DDX19A: variants seen among roughly 807,000 people sequenced by gnomAD.
DDX19A encodes ATP-dependent RNA helicase DDX19A.
A neutral mutation model predicts 60.6 loss-of-function variants in DDX19A; 12 were observed. That is an observed-to-expected ratio of 0.20 (90% CI 0.13 to 0.32). The LOEUF (loss-of-function observed/expected upper bound fraction) is 0.32, where lower values mean the gene tolerates loss of function less well. DDX19A is among the 10% of genes least tolerant of loss of function. DDX19A has a pLI of 1.00. For missense variants in DDX19A, 337 were observed against 600.6 expected (o/e 0.56, Z 4.59); for synonymous variants, 206 against 218.2 (o/e 0.94, Z 0.49).
chr16:70,352,860 A>G (rs528722053), intron 2 of DDX19A, among the ~76,000 whole-genome samples: 1 of 148,218 alleles, frequency 6.7e-6, no homozygotes, highest in African/African-American at 2.5e-5. Flanking sequence ...CTGGTCTCGA[A>G]CTCCTGACCT....
rs544847223 is a variant in DDX19A at position 70,370,615 on chromosome 16, G to A, written c.1183+230G>A. On this transcript the variant is annotated intron_variant, in intron 10 of 11. Transcript: ENST00000302243. Reference sequence around the variant, plus strand: ...CAATCCCAAGGCAGGAAAATTGCTTGAACCCTGGAGACAGAGGTTGCAGTG... The same window carrying A: ...CAATCCCAAGGCAGGAAAATTGCTTAAACCCTGGAGACAGAGGTTGCAGTG... The A allele has an allele frequency of 7.5e-4, 426 of 564,574 alleles. 1 individual carries two copies. The highest frequency in any genetic ancestry group is 1.9e-3 in the South Asian group (46 of 24,356). 35.0% of individuals were successfully genotyped at this position (564,574 alleles called of 1,614,324 possible). A position where few individuals can be genotyped will look rare whatever the true frequency, so the allele number is the denominator to read the frequency against.
rs1386418193 is a variant in DDX19A, at chr16:70,372,275, G to A, written c.*289G>A. On this transcript the variant is annotated 3_prime_UTR_variant, in exon 12 of 12. Coordinates refer to ENST00000302243, the MANE Select transcript of DDX19A (RefSeq NM_018332.5). ...GTCACAGTGGTAGTCGCTGGCCCCAGGACCCCCTCCTGATTTTGGCTAGGC... is the reference window on the plus strand; with the variant it reads ...GTCACAGTGGTAGTCGCTGGCCCCAAGACCCCCTCCTGATTTTGGCTAGGC... 6.0e-6 allele frequency: 3 copies of A among 500,178 alleles called. No individual in the cohort carries two copies. Among genetic ancestry groups the A allele is most frequent in the African/African-American group, 1.9e-5 (1 of 51,440 alleles). 31.0% of individuals were successfully genotyped at this position (500,178 alleles called of 1,614,324 possible). A position where few individuals can be genotyped will look rare whatever the true frequency, so the allele number is the denominator to read the frequency against.
At chr16:70,362,582 A>G (rs1964398634) in intron 5 of DDX19A, among the ~76,000 whole-genome samples, 1 of 151,922 alleles carries the variant, frequency 6.6e-6, no homozygotes, top group Admixed American at 6.6e-5. Flanking sequence ...CCCTGACAAG[A>G]CTAAGTTCCT....
chr16:70,367,211 G>A (rs899640743), intron 9 of DDX19A, among the ~76,000 whole-genome samples: 13 of 150,344 alleles, frequency 8.6e-5, no homozygotes, highest in Admixed American at 4.6e-4. Flanking sequence ...GGTGGATCAC[G>A]AGGTCAGGAG....
At chr16:70,352,634 ATTTTTTTTTTTT>A (rs11294947) in intron 2 of DDX19A, among the ~76,000 whole-genome samples, 1 of 86,168 alleles carries the variant, frequency 1.2e-5, no homozygotes, top group Non-Finnish European at 2.1e-5. Context: ...ATCTACCACG[ATTTTTTTTTTTT>A]TTTTTTTTTG....
chr16:70,372,240 T>C lies in DDX19A; in HGVS notation c.*254T>C, dbSNP rs559351379. On this transcript the variant is annotated 3_prime_UTR_variant, in exon 12 of 12. Coordinates refer to ENST00000302243, the MANE Select transcript of DDX19A (RefSeq NM_018332.5). Reference sequence around the variant, plus strand: ...TTAAAGCCACATTCCCCCATCTTTATAATAATCTGGTCACAGTGGTAGTCG... The same window carrying C: ...TTAAAGCCACATTCCCCCATCTTTACAATAATCTGGTCACAGTGGTAGTCG... 2 of 595,362 alleles carry C rather than the reference T, an allele frequency of 3.4e-6. No individual in the cohort carries two copies. Among genetic ancestry groups the C allele is most frequent in the East Asian group, 2.9e-5 (1 of 34,282 alleles). 36.9% of individuals were successfully genotyped at this position (595,362 alleles called of 1,614,324 possible).
chr16:70,366,545 A>C, intron 8 of DDX19A, 79 bp from the exon 9 acceptor site: 1 of 1,580,762 alleles, frequency 6.3e-7, no homozygotes, highest in Non-Finnish European at 8.6e-7. Context: ...GGGCATCTAG[A>C]CCCTCCCAGC....
In DDX19A at chr16:70,371,921, C is replaced by G. The variant is rs1341397786; in HGVS notation, c.1376-4C>G. On this transcript the variant is annotated splice_region_variant and splice_polypyrimidine_tract_variant and intron_variant, in intron 11 of 11. Coordinates refer to ENST00000302243, the MANE Select transcript of DDX19A (RefSeq NM_018332.5). Reference sequence around the variant, plus strand: ...GGGTAGAGACTTGTGTATCTTTCCCCCAGATAAGAAGATAGAAAGATTGGA... The same window carrying G: ...GGGTAGAGACTTGTGTATCTTTCCCGCAGATAAGAAGATAGAAAGATTGGA... 6.2e-7 allele frequency: 1 copy of G among 1,613,802 alleles called. No homozygotes were observed. Among genetic ancestry groups the G allele is most frequent in the African/African-American group, 1.3e-5 (1 of 74,904 alleles).
intron 7 of DDX19A, chr16:70,365,462 G>C (rs975904375): frequency 4.9e-6 from 1 of 203,704 alleles, no homozygotes; most frequent in South Asian, 8.0e-5. Flanking sequence ...CAGGACTGAG[G>C]ATGGAAGGTT....
intron 4 of DDX19A, among the ~76,000 whole-genome samples, chr16:70,357,367 T>TTTTTTTTTG (rs1964240606): frequency 5.4e-5 from 1 of 18,374 alleles, no homozygotes; most frequent in African/African-American, 3.0e-4. Flanking sequence ...TTTTGGTTTG[T>TTTTTTTTTG]TTTTTTTTTT....
Position 70,349,348 on chromosome 16 carries a change from G to A in DDX19A, c.58-1209G>A, listed in dbSNP as rs1963944007. ...CATATAGTCACCCTGTGCCTAGCAT[G>A]TACCAGAATTCCAGACTTCCAGAAG... is the stretch of plus-strand genomic sequence containing the variant. On this transcript the variant is annotated intron_variant, in intron 1 of 11. Transcript: ENST00000302243. 3.3e-5 allele frequency among the ~76,000 whole-genome samples: 5 copies of A among 152,170 alleles called. No individual in the cohort carries two copies. The South Asian group carries it at 1.0e-3, about 32-fold the overall frequency.
At chr16:70,360,576 C>G (rs1276111192) in intron 4 of DDX19A, among the ~76,000 whole-genome samples, 1 of 151,868 alleles carries the variant, frequency 6.6e-6, no homozygotes, top group Middle Eastern at 3.2e-3. Flanking sequence ...GCCTGGACTC[C>G]TCAAGCAGTC....
chr16:70,354,031 A>T (rs898740932), intron 2 of DDX19A, among the ~76,000 whole-genome samples: 1 of 151,168 alleles, frequency 6.6e-6, no homozygotes, highest in Admixed American at 6.6e-5. Context: ...CTAATTTTTT[A>T]AATTTTTAGT....
chr16:70,363,109 C>T (rs574174714), intron 5 of DDX19A, among the ~76,000 whole-genome samples: 15 of 152,014 alleles, frequency 9.9e-5, no homozygotes, highest in Admixed American at 4.6e-4. Context: ...GCCTCAGCCT[C>T]CCAAAGTGTT....
In DDX19A at chr16:70,364,628, T is replaced by A. The variant is rs760862027; in HGVS notation, c.472T>A (p.Ser158Thr). ...AGCCATGCTCAGCCGAGTGGAGCCA[T>A]CAGACAGATACCCCCAGGTGAGGGC... The part of the protein sequence containing the change: ...VLAMLSRVEP[S>T]DRYPQCLCLS... The change falls in exon 6 of 12, where the codon TCA becomes ACA. Residue 158 changes from serine to threonine, a missense_variant. Around this residue, in one of 6 missense-constraint regions of DDX19A, gnomAD observed 62 missense variants for 75.7 expected, o/e 0.82. Transcript: ENST00000302243. 4 of 1,614,122 alleles carry A rather than the reference T, an allele frequency of 2.5e-6. No homozygotes were observed. In the Admixed American group the frequency reaches 6.7e-5, roughly 27 times the overall value.
intron 5 of DDX19A, among the ~76,000 whole-genome samples, chr16:70,362,796 G>C (rs1190560506): frequency 6.6e-6 from 1 of 151,966 alleles, no homozygotes; most frequent in African/African-American, 2.4e-5. Flanking sequence ...TGGATCACTT[G>C]AGGTCAGGAG....
intron 2 of DDX19A, among the ~76,000 whole-genome samples, chr16:70,354,810 A>AT (rs1313682840): frequency 6.6e-6 from 1 of 152,058 alleles, no homozygotes; most frequent in Non-Finnish European, 1.5e-5. Context: ...TTAGCTGGGA[A>AT]TAGTGGTGCA....
At chr16:70,365,545 G>T in intron 7 of DDX19A, 1 of 188,500 alleles carries the variant, frequency 5.3e-6, no homozygotes, top group South Asian at 9.4e-5. Context: ...CCAGCCCTTT[G>T]GGAGGCCAGG....
intron 4 of DDX19A, among the ~76,000 whole-genome samples, chr16:70,359,844 C>T (rs769278655): frequency 3.9e-5 from 6 of 151,980 alleles, no homozygotes; most frequent in Non-Finnish European, 7.4e-5. Context: ...AGAGTGAGAA[C>T]GTCTCTCAGA....
Sources: allele counts gnomAD v4.1 joint callset (sites outside exome capture counted in the v4.1 genomes callset), GRCh38; gene constraint gnomAD v4.1.1; regional missense constraint gnomAD v4.1.1; transcripts MANE v1.5; gene names NCBI Gene and HGNC (gene_info 2026-07-23, HGNC 2026-07-21).